Variants in RASGRF2 observed in about 807,000 individuals in gnomAD.
RASGRF2 encodes the protein Ras protein specific guanine nucleotide releasing factor 2.
In RASGRF2, 76 loss-of-function variants were observed where a neutral mutation model predicts 151.0. The observed-to-expected ratio is 0.50, with a 90% confidence interval of 0.42 to 0.61. The LOEUF (loss-of-function observed/expected upper bound fraction) is 0.61, where lower values mean the gene tolerates loss of function less well. Among genes scored for constraint, RASGRF2 ranks in the 20% least tolerant of loss-of-function variants. The pLI is 0.00. For missense variants in RASGRF2, 1,148 were observed against 1,564.6 expected (o/e 0.73, Z 4.49); for synonymous variants, 504 against 566.5 (o/e 0.89, Z 1.57).
At chr5:81,095,949 C>G (rs1265683817) in intron 12 of RASGRF2, 1 of 152,112 alleles carries the variant, frequency 6.6e-6, no homozygotes, top group African/African-American at 2.4e-5. Context: ...CAATAGTATT[C>G]TGAAGGTAAG....
chr5:81,170,777 A>G (rs554704673), intron 17 of RASGRF2, among the ~76,000 whole-genome samples: 1 of 152,136 alleles, frequency 6.6e-6, no homozygotes, highest in African/African-American at 2.4e-5. Context: ...TAGCACTTGT[A>G]TGATTTATTA....
intron 17 of RASGRF2, among the ~76,000 whole-genome samples, chr5:81,172,689 G>A (rs1439641303): frequency 6.6e-6 from 1 of 152,064 alleles, no homozygotes; most frequent in African/African-American, 2.4e-5. Context: ...TGCTTTGTGT[G>A]GGAACTTACC....
chr5:81,225,570 A>ATTT, intron 26 of RASGRF2, 108 bp from the exon 27 acceptor site: 3 of 1,410,676 alleles, frequency 2.1e-6, no homozygotes, highest in Non-Finnish European at 2.8e-6. Context: ...GTCAAATAAG[A>ATTT]TTTTTAGTTG....
In RASGRF2 at chr5:81,070,388, T is replaced by C. The variant is rs780630407; in HGVS notation, c.544-104T>C. On this transcript the variant is annotated intron_variant, in intron 3 of 26. Transcript: ENST00000265080. ...AGAGTGTGCATAAAAAGTGGGTGTT[T>C]CCTGAGGATCTCATTGGACCACCTT... 5.5e-6 allele frequency: 5 copies of C among 905,986 alleles called. No homozygotes were observed. In the Admixed American group the frequency reaches 5.6e-5, roughly 10 times the overall value. 56.1% of individuals were successfully genotyped at this position (905,986 alleles called of 1,614,324 possible). A position where few individuals can be genotyped will look rare whatever the true frequency, so the allele number is the denominator to read the frequency against.
At chr5:81,199,425 T>A (rs1409893180) in intron 18 of RASGRF2, among the ~76,000 whole-genome samples, 3 of 152,234 alleles carry the variant, frequency 2.0e-5, no homozygotes, top group African/African-American at 7.2e-5. Flanking sequence ...GGATGGTAAC[T>A]TTGATCACTT....
At chr5:81,039,444 A>G (rs1291216414) in intron 1 of RASGRF2, among the ~76,000 whole-genome samples, 1 of 152,184 alleles carries the variant, frequency 6.6e-6, no homozygotes, top group Non-Finnish European at 1.5e-5. Context: ...AATTCATTAG[A>G]AAGTGTAGCA....
intron 5 of RASGRF2, among the ~76,000 whole-genome samples, chr5:81,077,678 A>C (rs1287628257): frequency 6.6e-6 from 1 of 152,244 alleles, no homozygotes; most frequent in African/African-American, 2.4e-5. Context: ...GTGATACTTC[A>C]GTCACCAAGT....
chr5:81,009,166 A>G (rs1276912674), intron 1 of RASGRF2, among the ~76,000 whole-genome samples: 1 of 152,236 alleles, frequency 6.6e-6, no homozygotes, highest in Non-Finnish European at 1.5e-5. Flanking sequence ...GGAATAAATT[A>G]TGGGCTCATG....
At chr5:81,155,695 A>C (rs4348195) in intron 17 of RASGRF2, among the ~76,000 whole-genome samples, 41,990 of 152,068 alleles carry the variant, frequency 0.28, 6,143 homozygotes, top group East Asian at 0.4. Context: ...GAAAGAAAGA[A>C]GCACTGAACG....
chr5:80,978,280 A>C (rs1748191319), intron 1 of RASGRF2, among the ~76,000 whole-genome samples: 1 of 152,198 alleles, frequency 6.6e-6, no homozygotes, highest in Admixed American at 6.5e-5. Context: ...TTTAGTATAA[A>C]GTACCGTGTT....
At chr5:81,105,284 A>G (rs1440586699) in intron 12 of RASGRF2, among the ~76,000 whole-genome samples, 1 of 152,058 alleles carries the variant, frequency 6.6e-6, no homozygotes, top group Non-Finnish European at 1.5e-5. Flanking sequence ...TGTATTCCCC[A>G]GGGGTTTGGA....
chr5:81,035,850 A>C lies in RASGRF2; in HGVS notation c.289-7027A>C, dbSNP rs111587763. 5.3e-3 allele frequency among the ~76,000 whole-genome samples: 809 copies of C among 152,300 alleles called. 6 individuals are homozygous for C. The highest frequency in any genetic ancestry group is 0.018 in the African/African-American group (765 of 41,578). On this transcript the variant is annotated intron_variant, in intron 1 of 26. Transcript: ENST00000265080. ...GAAAGAGAGAATAGGGGGCATGGCA[A>C]ATTAGTAATATTTGAAGAGATTGTG... is the stretch of plus-strand genomic sequence containing the variant.
chr5:81,143,498 A>T (rs1580355468), intron 17 of RASGRF2, among the ~76,000 whole-genome samples: 1 of 152,242 alleles, frequency 6.6e-6, no homozygotes, highest in African/African-American at 2.4e-5. Flanking sequence ...AATACTTTTA[A>T]CAATGCAGGA....
intron 17 of RASGRF2, among the ~76,000 whole-genome samples, chr5:81,178,744 C>CTTT (rs57705439): frequency 2.7e-5 from 4 of 147,622 alleles, no homozygotes; most frequent in African/African-American, 4.9e-5. Context: ...GTATAGACAA[C>CTTT]TTTTTTTTTT....
intron 1 of RASGRF2, among the ~76,000 whole-genome samples, chr5:80,994,653 G>A (rs1748775360): frequency 6.6e-6 from 1 of 152,118 alleles, no homozygotes; most frequent in Non-Finnish European, 1.5e-5. Context: ...CTGTGTGACT[G>A]CCTCTCCTGT....
rs1414467617 is a variant in RASGRF2 at position 81,096,747 on chromosome 5, A to G, written c.1755+1755A>G. 3.9e-5 allele frequency among the ~76,000 whole-genome samples: 6 copies of G among 152,242 alleles called. No homozygotes were observed. The East Asian group carries it at 9.7e-4, about 25-fold the overall frequency. ...CTGGTCCTTTAAAGAAAGGCACCCAATGCTTTGCCTGTCACTAGCAAAGGT... is the reference window on the plus strand; with the variant it reads ...CTGGTCCTTTAAAGAAAGGCACCCAGTGCTTTGCCTGTCACTAGCAAAGGT... On this transcript the variant is annotated intron_variant, in intron 12 of 26. Transcript: ENST00000265080.
At chr5:81,087,375 T>A (rs761481546) in intron 9 of RASGRF2, 2 of 700,430 alleles carry the variant, frequency 2.9e-6, no homozygotes, top group East Asian at 2.7e-5. Flanking sequence ...AAAACAGCTG[T>A]CTGTTGTTCC....
chr5:80,998,287 A>G (rs1748961918), intron 1 of RASGRF2, among the ~76,000 whole-genome samples: 1 of 152,070 alleles, frequency 6.6e-6, no homozygotes. Context: ...TCTACTTTCA[A>G]CAGTACCTTT....
At chr5:81,008,735 G>T (rs1749358347) in intron 1 of RASGRF2, among the ~76,000 whole-genome samples, 1 of 151,968 alleles carries the variant, frequency 6.6e-6, no homozygotes, top group Non-Finnish European at 1.5e-5. Context: ...TGTCTCTTAG[G>T]CTGCTGATTT....
Sources: allele counts gnomAD v4.1 joint callset (sites outside exome capture counted in the v4.1 genomes callset), GRCh38; gene constraint gnomAD v4.1.1; transcripts MANE v1.5; gene names NCBI Gene and HGNC (gene_info 2026-07-23, HGNC 2026-07-21).